TBCD: variants seen among roughly 807,000 people sequenced by gnomAD.
The protein encoded by TBCD is tubulin-specific chaperone D.
Under a neutral mutation model 169.3 loss-of-function variants are expected in TBCD, and 105 were observed. The observed-to-expected ratio is 0.62, with a 90% confidence interval of 0.53 to 0.73. The LOEUF (loss-of-function observed/expected upper bound fraction) is 0.73. TBCD is among the 30% of genes least tolerant of loss of function. TBCD has a pLI of 0.00. For synonymous variants in TBCD, 700 were observed against 643.9 expected, an observed-to-expected ratio of 1.09 and a Z score of -1.32; for missense variants, 1,444 against 1,600.1, an observed-to-expected ratio of 0.90 and a Z score of 1.66.
At position 82,922,901 on chromosome 17, in the gene TBCD, G is replaced by A. The variant is rs1599583501; in HGVS notation, c.2179-751G>A. On this transcript the variant is annotated intron_variant, in intron 25 of 38. Transcript: ENST00000355528. This position sits in a 1 kb window ranked among gnomAD's most constrained non-coding sequence, Gnocchi z 4.1. Reference sequence around the variant, plus strand: ...GCTCCTCCGTAGGTGGCAGAGGTGGGGGTTCGAGGAGACAGTGGCACTGAG... The same window carrying A: ...GCTCCTCCGTAGGTGGCAGAGGTGGAGGTTCGAGGAGACAGTGGCACTGAG... 1.3e-5 allele frequency among the ~76,000 whole-genome samples: 2 copies of A among 152,376 alleles called. 1 individual carries two copies. Among genetic ancestry groups the A allele is most frequent in the African/African-American group, 4.8e-5 (2 of 41,590 alleles).
At chr17:82,811,250 G>T (rs563465612) in intron 12 of TBCD, among the ~76,000 whole-genome samples, 2 of 152,318 alleles carry the variant, frequency 1.3e-5, no homozygotes, top group African/African-American at 4.8e-5. Flanking sequence ...TGCCTGTCTG[G>T]ACTTTGCCTC....
intron 11 of TBCD, 26 bp downstream of exon 11, chr17:82,807,694 C>G (rs779617696): frequency 6.9e-7 from 1 of 1,440,844 alleles, no homozygotes. Flanking sequence ...CGCAGAAGCA[C>G]CCCGGGGGGT....
chr17:82,919,556 T>A (rs1551626), intron 23 of TBCD, among the ~76,000 whole-genome samples: 53,063 of 151,382 alleles, frequency 0.35, 10,445 homozygotes, highest in African/African-American at 0.54. Flanking sequence ...GGGCATTTCA[T>A]GCAGAAGAGG....
At chr17:82,828,504 A>G (rs201770040) in intron 13 of TBCD, among the ~76,000 whole-genome samples, 20 of 112,172 alleles carry the variant, frequency 1.8e-4, no homozygotes, top group Non-Finnish European at 3.6e-4. Context: ...AATCGAATGC[A>G]CCCCCCCCGC....
chr17:82,859,955 G>A (rs1011700402), intron 13 of TBCD: 29 of 925,738 alleles, frequency 3.1e-5, no homozygotes, highest in East Asian at 2.3e-4. Context: ...CCTGGGCCTC[G>A]TGGTCCTGCT....
rs1452699299 is a variant in TBCD at position 82,832,107 on chromosome 17, C to T, written c.1318+17173C>T. 4 of 1,614,226 alleles carry T rather than the reference C, an allele frequency of 2.5e-6. No homozygotes were observed. Among genetic ancestry groups the T allele is most frequent in the Non-Finnish European group, 3.4e-6 (4 of 1,180,034 alleles). ...ACCTGTGGGTTCCCCGGGCTTGCAG[C>T]TCCAGGTTTTCCTTGATGTCTTCCC... On this transcript the variant is annotated intron_variant, in intron 13 of 38. Coordinates refer to ENST00000355528, the MANE Select transcript of TBCD (RefSeq NM_005993.5). This position sits in a 1 kb window ranked among gnomAD's most constrained non-coding sequence, Gnocchi z 4.9.
intron 13 of TBCD, among the ~76,000 whole-genome samples, chr17:82,836,906 G>C (rs899034146): frequency 1.3e-5 from 2 of 152,168 alleles, no homozygotes; most frequent in South Asian, 2.1e-4. Context: ...GTTAGTTCAC[G>C]TAAGCGGGTG....
intron 37 of TBCD, among the ~76,000 whole-genome samples, chr17:82,941,113 T>C (rs1231038343): frequency 6.6e-6 from 1 of 152,270 alleles, no homozygotes; most frequent in Non-Finnish European, 1.5e-5. Context: ...TTGGCCTCGC[T>C]TGGTCTGTCC....
intron 13 of TBCD, among the ~76,000 whole-genome samples, chr17:82,852,532 G>A (rs1009898716): frequency 3.3e-5 from 5 of 152,142 alleles, no homozygotes; most frequent in South Asian, 4.1e-4. Context: ...TTCCTGCTGC[G>A]TGCTCGCCGT....
intron 7 of TBCD, among the ~76,000 whole-genome samples, chr17:82,783,256 A>C (rs2049074628): frequency 6.6e-6 from 1 of 152,104 alleles, no homozygotes; most frequent in Non-Finnish European, 1.5e-5. Flanking sequence ...GTGTGAGAGA[A>C]AACTGCAGAC....
At chr17:82,836,655 C>T (rs2054001020) in intron 13 of TBCD, among the ~76,000 whole-genome samples, 1 of 150,322 alleles carries the variant, frequency 6.7e-6, no homozygotes, top group Admixed American at 6.6e-5. Flanking sequence ...GTTTTCGAAG[C>T]AGCATTATTT....
chr17:82,841,368 A>G (rs1438700905), intron 13 of TBCD, among the ~76,000 whole-genome samples: 1 of 147,642 alleles, frequency 6.8e-6, no homozygotes, highest in Non-Finnish European at 1.5e-5. Context: ...CCCAAGCTGG[A>G]GTGCAGTGGT....
At chr17:82,809,209 G>A (rs2051244763) in intron 11 of TBCD, among the ~76,000 whole-genome samples, 2 of 152,186 alleles carry the variant, frequency 1.3e-5, no homozygotes, top group South Asian at 4.1e-4. Context: ...CTTCCTGGAG[G>A]CCCCTGGCCA....
rs1019522716 is a variant in TBCD, at chr17:82,930,254, G to A, written c.2992-268G>A. The A allele has an allele frequency of 4.8e-5, 23 of 476,024 alleles. No homozygotes were observed. The Admixed American group carries it at 7.1e-4, about 15-fold the overall frequency. 29.5% of individuals were successfully genotyped at this position (476,024 alleles called of 1,614,324 possible). On this transcript the variant is annotated intron_variant, in intron 32 of 38. Coordinates refer to ENST00000355528, the MANE Select transcript of TBCD (RefSeq NM_005993.5). This position sits in a 1 kb window ranked among gnomAD's most constrained non-coding sequence, Gnocchi z 5.2. The stretch of plus-strand genomic sequence containing the variant: ...TGAGCGAAACCCAAGGTGAGTGGCC[G>A]CAGCCTTTCGTCACGTGCTCTCCCG...
At chr17:82,937,861 G>A (rs765596421) in intron 35 of TBCD, 188 bp from the exon 36 acceptor site, 10 of 1,504,526 alleles carry the variant, frequency 6.6e-6, no homozygotes, top group East Asian at 2.5e-5. Flanking sequence ...TTCCAAGTGC[G>A]ACACTCGTGT....
chr17:82,847,703 T>G (rs1404509268), intron 13 of TBCD, among the ~76,000 whole-genome samples: 3 of 152,154 alleles, frequency 2.0e-5, no homozygotes, highest in African/African-American at 7.2e-5. Flanking sequence ...AGTAGTGCGA[T>G]CTCCGCCTCC....
At chr17:82,901,634 G>A (rs2059905657) in intron 18 of TBCD, among the ~76,000 whole-genome samples, 1 of 150,116 alleles carries the variant, frequency 6.7e-6, no homozygotes, top group African/African-American at 2.5e-5. Flanking sequence ...CTGCTTCCTG[G>A]GGAGCGGCCC....
intron 13 of TBCD, among the ~76,000 whole-genome samples, chr17:82,869,774 C>T (rs1460657417): frequency 2.0e-5 from 3 of 152,182 alleles, no homozygotes; most frequent in Non-Finnish European, 2.9e-5. Flanking sequence ...TCTGCCTTTG[C>T]GTGTCCACGA....
intron 36 of TBCD, 102 bp downstream of exon 36, chr17:82,938,238 C>A: frequency 1.5e-6 from 2 of 1,350,114 alleles, no homozygotes; most frequent in Non-Finnish European, 2.1e-6. Context: ...TGCTTTCCAG[C>A]CGAGCCCCTC....
Sources: gnomAD v4.1 joint callset for allele counts (sites outside exome capture counted in the v4.1 genomes callset) on GRCh38, gnomAD v4.1.1 for gene constraint, Gnocchi (gnomAD v3.1) non-coding constraint, MANE v1.5 for transcripts, NCBI Gene and HGNC (gene_info 2026-07-23, HGNC 2026-07-21) for gene names.